PACC1: variants seen among roughly 807,000 people sequenced by gnomAD.
PACC1 encodes proton-activated chloride channel.
Under a neutral mutation model 39.7 loss-of-function variants are expected in PACC1, and 34 were observed. That is an observed-to-expected ratio of 0.86 (90% confidence interval 0.65 to 1.14). PACC1 has a LOEUF of 1.14. Among genes scored for constraint, PACC1 ranks in the 50% most tolerant of loss-of-function variants. The pLI is 0.00. For missense variants in PACC1, 379 were observed against 436.4 expected (o/e 0.87, Z 1.17); for synonymous variants, 127 against 160.6 (o/e 0.79, Z 1.58).
At chr1:212,392,042 T>C (rs1661341860) in intron 2 of PACC1, among the ~76,000 whole-genome samples, 1 of 152,036 alleles carries the variant, frequency 6.6e-6, no homozygotes, top group African/African-American at 2.4e-5. Flanking sequence ...CAGGAGAACT[T>C]CCCCAACCAA....
intron 7 of PACC1, among the ~76,000 whole-genome samples, chr1:212,366,058 C>A (rs1248608848): frequency 6.6e-6 from 1 of 152,186 alleles, no homozygotes. Flanking sequence ...ATGCTTTCCT[C>A]CTGTCTAGGT....
At chr1:212,369,681 T>C (rs933515603) in intron 7 of PACC1, among the ~76,000 whole-genome samples, 4 of 150,908 alleles carry the variant, frequency 2.7e-5, no homozygotes, top group African/African-American at 9.8e-5. Flanking sequence ...CTTGGGAGCC[T>C]GAGGCAGCAG....
intron 4 of PACC1, among the ~76,000 whole-genome samples, chr1:212,381,695 GCA>G (rs58078220): frequency 0.047 from 5,747 of 122,624 alleles, 188 homozygotes; most frequent in African/African-American, 0.099. Flanking sequence ...CACACACACT[GCA>G]CACACACACA....
chr1:212,396,131 C>T (rs766861802), intron 2 of PACC1, among the ~76,000 whole-genome samples: 1 of 152,140 alleles, frequency 6.6e-6, no homozygotes, highest in Non-Finnish European at 1.5e-5. Flanking sequence ...TAAAGACACA[C>T]GCAAACATAT....
chr1:212,369,350 C>T (rs948608297), intron 7 of PACC1, among the ~76,000 whole-genome samples: 2 of 152,156 alleles, frequency 1.3e-5, no homozygotes, highest in Non-Finnish European at 2.9e-5. Flanking sequence ...CGTAGTAAGT[C>T]CTTCTCTATC....
chr1:212,379,850 G>C (rs1288588993), intron 5 of PACC1, 45 bp downstream of exon 5: 8 of 1,610,674 alleles, frequency 5.0e-6, no homozygotes, highest in Non-Finnish European at 4.2e-6. Flanking sequence ...GCTGGAATAA[G>C]ATAAAAAGTA....
chr1:212,370,512 A>G (rs950820167), intron 7 of PACC1, among the ~76,000 whole-genome samples: 1 of 152,248 alleles, frequency 6.6e-6, no homozygotes, highest in Non-Finnish European at 1.5e-5. Context: ...TCATCAGCAC[A>G]TGGAACATTC....
intron 7 of PACC1, among the ~76,000 whole-genome samples, chr1:212,373,538 ACAAT>A (rs780884946): frequency 2.0e-5 from 3 of 152,234 alleles, no homozygotes; most frequent in African/African-American, 4.8e-5. Context: ...AGCAAAGGAA[ACAAT>A]CAACAAAGTT....
At chr1:212,369,021 G>A (rs1467628402) in intron 7 of PACC1, among the ~76,000 whole-genome samples, 8 of 95,340 alleles carry the variant, frequency 8.4e-5, no homozygotes, top group Admixed American at 2.4e-4. Flanking sequence ...GTGAGACTCC[G>A]TCTCAAAAAA....
chr1:212,381,875 C>T (rs1419522103), intron 4 of PACC1, among the ~76,000 whole-genome samples: 2 of 152,208 alleles, frequency 1.3e-5, no homozygotes, highest in Non-Finnish European at 2.9e-5. Context: ...TCCTATGAGG[C>T]AGTACTGCCC....
At chr1:212,380,123 G>A (rs1660824359) in intron 4 of PACC1, 86 bp from the exon 5 acceptor site, 1 of 1,435,160 alleles carries the variant, frequency 7.0e-7, no homozygotes, top group Non-Finnish European at 9.5e-7. Flanking sequence ...TGACTGGAAA[G>A]CCCATAGCTC....
intron 1 of PACC1, 66 bp from the exon 2 acceptor site, chr1:212,410,587 A>G (rs983746745): frequency 1.4e-6 from 2 of 1,399,130 alleles, no homozygotes; most frequent in Admixed American, 1.7e-5. Context: ...CTACACTAGA[A>G]TAAGAAAGCA....
Position 212,373,370 on chromosome 1 carries a change from A to G in PACC1, c.891+1823T>C, listed in dbSNP as rs925101986. On this transcript the variant is annotated intron_variant, in intron 7 of 7. Transcript: ENST00000261455. ...AAAAATCCACTCAAAATAGACTCAA[A>G]TCTAAGACTTGAAATTATGAAACTA... 9.2e-5 allele frequency among the ~76,000 whole-genome samples: 10 copies of G among 109,118 alleles called. No individual in the cohort carries two copies. The East Asian group carries it at 2.6e-3, about 28-fold the overall frequency. 71.6% of individuals were successfully genotyped at this position (109,118 alleles called of 152,430 possible). A position where few individuals can be genotyped will look rare whatever the true frequency, so the allele number is the denominator to read the frequency against.
At chr1:212,380,467 G>A (rs1341776744) in intron 4 of PACC1, among the ~76,000 whole-genome samples, 5 of 151,988 alleles carry the variant, frequency 3.3e-5, no homozygotes, top group Admixed American at 6.6e-5. Context: ...TGCTTGCTGA[G>A]GAAAGCCAAA....
intron 4 of PACC1, among the ~76,000 whole-genome samples, chr1:212,383,668 G>C (rs1660987997): frequency 6.6e-6 from 1 of 152,150 alleles, no homozygotes; most frequent in African/African-American, 2.4e-5. Flanking sequence ...GTATAGGTCT[G>C]GGTTTTGGTT....
chr1:212,377,639 A>C lies in PACC1; in HGVS notation c.706T>G (p.Phe236Val). The C allele has an allele frequency of 6.2e-7, 1 of 1,614,184 alleles. No individual in the cohort carries two copies. The highest frequency in any genetic ancestry group is 8.5e-7 in the Non-Finnish European group (1 of 1,180,018). ...AGTGACATCTTGACCCAGGTGCGGA[A>C]GCCCCCAGAGAACTTCCAGCTGGAA... ...AYSSWKFSGG[F>V]RTWVKMSLVK... The change falls in exon 6 of 8, where the codon TTC becomes GTC. Residue 236 changes from phenylalanine to valine, a missense_variant. Transcript: ENST00000261455.
chr1:212,369,154 C>T (rs1198816427), intron 7 of PACC1, among the ~76,000 whole-genome samples: 1 of 151,820 alleles, frequency 6.6e-6, no homozygotes. Flanking sequence ...TTAAGTTGTC[C>T]TCAATTTAAA....
rs772948888 is a variant in PACC1 at position 212,385,425 on chromosome 1, C to T, written c.344G>A (p.Gly115Asp). Residue 115 changes from glycine (G) to aspartate (D), a missense_variant and splice_region_variant, in exon 4 of 8, where the codon GGT (glycine) becomes GAT (aspartate). Transcript: ENST00000261455. ...GGCCTGACCGGGGTACAAGGCAATA[C>T]CTGGGGGCACAAACAGGAAAAGCAA... is the stretch of plus-strand genomic sequence containing the variant. ...YKEVDRYDAPGIALYPGQAQL... is the reference protein window; with the variant it reads ...YKEVDRYDAPDIALYPGQAQL... 6 of 1,614,006 alleles carry T rather than the reference C, an allele frequency of 3.7e-6. No homozygotes were observed. The highest frequency in any genetic ancestry group is 2.2e-5 in the South Asian group (2 of 91,078).
At chr1:212,378,185 T>C (rs529092070) in intron 5 of PACC1, among the ~76,000 whole-genome samples, 1 of 152,298 alleles carries the variant, frequency 6.6e-6, no homozygotes, top group African/African-American at 2.4e-5. Flanking sequence ...CTCAGCCAGA[T>C]GGGTCACCTA....
Sources: gnomAD v4.1 joint callset for allele counts (sites outside exome capture counted in the v4.1 genomes callset) on GRCh38, gnomAD v4.1.1 for gene constraint, MANE v1.5 for transcripts, NCBI Gene and HGNC (gene_info 2026-07-23, HGNC 2026-07-21) for gene names.